OSBPL10: variants seen among roughly 807,000 people sequenced by gnomAD.
OSBPL10 encodes oxysterol binding protein like 10, also known as oxysterol-binding protein-related protein 10.
A neutral mutation model predicts 81.7 loss-of-function variants in OSBPL10; 49 were observed. The ratio of observed to expected loss-of-function variants is 0.60; its 90% CI spans 0.48 to 0.76. The LOEUF is 0.76. OSBPL10 is among the 30% of genes least tolerant of loss of function. The pLI is 0.00. For missense variants in OSBPL10, 923 were observed against 987.8 expected, an observed-to-expected ratio of 0.93 and a Z score of 0.88; for synonymous variants, 419 against 383.6, an observed-to-expected ratio of 1.09 and a Z score of -1.08.
At chr3:32,045,007 C>A (rs1699609646) in intron 2 of OSBPL10, among the ~76,000 whole-genome samples, 1 of 152,120 alleles carries the variant, frequency 6.6e-6, no homozygotes, top group African/African-American at 2.4e-5. Flanking sequence ...ATTGTGTCTT[C>A]CTATTAAAAT....
At chr3:32,039,157 C>T (rs1334922416) in intron 2 of OSBPL10, among the ~76,000 whole-genome samples, 1 of 151,408 alleles carries the variant, frequency 6.6e-6, no homozygotes, top group East Asian at 1.9e-4. Flanking sequence ...AACCCTGTCT[C>T]TACCAAAAAT....
At chr3:32,063,524 A>C (rs1381527220) in intron 1 of OSBPL10, among the ~76,000 whole-genome samples, 2 of 92,054 alleles carry the variant, frequency 2.2e-5, no homozygotes, top group African/African-American at 5.6e-5. Flanking sequence ...TTCAGTGCAA[A>C]TTTGGCCCTG....
intron 1 of OSBPL10, among the ~76,000 whole-genome samples, chr3:31,890,240 C>A (rs765497214): frequency 1.3e-5 from 2 of 150,518 alleles, no homozygotes; most frequent in Non-Finnish European, 2.9e-5. Context: ...ACCTGAGCAC[C>A]CACACACCCA....
chr3:31,945,957 C>A (rs1405307347), intron 1 of OSBPL10, among the ~76,000 whole-genome samples: 19 of 151,848 alleles, frequency 1.3e-4, no homozygotes, highest in Admixed American at 1.2e-3. Context: ...TTGCCTGAAT[C>A]AACAGACACT....
At chr3:31,976,566 A>ACT (rs1171210311) in intron 1 of OSBPL10, among the ~76,000 whole-genome samples, 1 of 151,818 alleles carries the variant, frequency 6.6e-6, no homozygotes, top group African/African-American at 2.4e-5. Context: ...AATCCTCCCA[A>ACT]CTCAGACCCC....
chr3:31,741,497 T>C (rs1259407383), intron 5 of OSBPL10, among the ~76,000 whole-genome samples: 1 of 152,186 alleles, frequency 6.6e-6, no homozygotes, highest in African/African-American at 2.4e-5. Flanking sequence ...TCTCTTGACC[T>C]CGTGATCCAT....
intron 1 of OSBPL10, among the ~76,000 whole-genome samples, chr3:32,076,518 T>G (rs1699878986): frequency 6.6e-6 from 1 of 152,126 alleles, no homozygotes; most frequent in Admixed American, 6.5e-5. Flanking sequence ...CCTTAAGGCA[T>G]CTGGTCAGAG....
intron 1 of OSBPL10, among the ~76,000 whole-genome samples, chr3:31,930,155 A>AC (rs2125718841): frequency 1.3e-5 from 1 of 79,962 alleles, no homozygotes; most frequent in East Asian, 1.0e-3. Context: ...CTCAGATCTC[A>AC]AAAAAAAAAA....
intron 2 of OSBPL10, among the ~76,000 whole-genome samples, chr3:32,000,844 C>T (rs1368617196): frequency 1.3e-5 from 2 of 152,198 alleles, no homozygotes; most frequent in East Asian, 3.8e-4. Flanking sequence ...ATACCTTTCT[C>T]TTCCATGGCC....
chr3:32,023,496 G>A (rs1463952093), intron 2 of OSBPL10, among the ~76,000 whole-genome samples: 2 of 152,124 alleles, frequency 1.3e-5, no homozygotes, highest in South Asian at 2.1e-4. Flanking sequence ...TGTGAAGACT[G>A]ACTAATACAG....
chr3:31,760,798 C>A (rs1283001594), intron 4 of OSBPL10, among the ~76,000 whole-genome samples: 1 of 152,148 alleles, frequency 6.6e-6, no homozygotes, highest in Non-Finnish European at 1.5e-5. Flanking sequence ...CAGAACATTT[C>A]ATCACATAAA....
chr3:31,999,046 C>T (rs1699119022), intron 2 of OSBPL10, among the ~76,000 whole-genome samples: 1 of 152,162 alleles, frequency 6.6e-6, no homozygotes, highest in Non-Finnish European at 1.5e-5. Flanking sequence ...TTTGTATCAG[C>T]CAGACAGTAA....
At chr3:31,990,837 A>C in intron 2 of OSBPL10, 1 of 1,589,684 alleles carries the variant, frequency 6.3e-7, no homozygotes, top group South Asian at 1.1e-5. Flanking sequence ...AACAAAGGAG[A>C]ATTCATATGG....
At chr3:31,938,075 T>C (rs1697430727) in intron 1 of OSBPL10, among the ~76,000 whole-genome samples, 1 of 152,112 alleles carries the variant, frequency 6.6e-6, no homozygotes. Flanking sequence ...CTGCCAAACA[T>C]CTCACTGCAT....
chr3:32,074,966 A>G (rs1390920365), intron 1 of OSBPL10, among the ~76,000 whole-genome samples: 1 of 152,178 alleles, frequency 6.6e-6, no homozygotes, highest in Non-Finnish European at 1.5e-5. Context: ...TCCAGTTTGC[A>G]GATGGGAATG....
chr3:31,884,065 A>G (rs894060095), intron 1 of OSBPL10, among the ~76,000 whole-genome samples: 1 of 152,256 alleles, frequency 6.6e-6, no homozygotes, highest in East Asian at 1.9e-4. Flanking sequence ...ACAAATAACT[A>G]TATAATTGAA....
chr3:31,664,033 C>G, intron 11 of OSBPL10, 46 bp downstream of exon 11: 1 of 1,614,116 alleles, frequency 6.2e-7, no homozygotes, highest in East Asian at 2.2e-5. Flanking sequence ...CCTCTCAGGA[C>G]AAGTTCTCTC....
intron 2 of OSBPL10, among the ~76,000 whole-genome samples, chr3:31,998,359 A>G (rs1298779609): frequency 6.6e-6 from 1 of 152,190 alleles, no homozygotes; most frequent in Non-Finnish European, 1.5e-5. Flanking sequence ...AAAACCCCTC[A>G]GAAAAAATTC....
chr3:31,905,368 T>TTTTTTTTTTTTTTTTTTTTTTTA (rs869077578), intron 1 of OSBPL10, among the ~76,000 whole-genome samples: 2 of 148,192 alleles, frequency 1.3e-5, no homozygotes, highest in African/African-American at 5.1e-5. Flanking sequence ...TTTTTTTTTT[T>TTTTTTTTTTTTTTTTTTTTTTTA]AGACGGACTC....
Sources: gnomAD v4.1 joint callset for allele counts (sites outside exome capture counted in the v4.1 genomes callset) on GRCh38, gnomAD v4.1.1 for gene constraint, MANE v1.5 for transcripts, NCBI Gene and HGNC (gene_info 2026-07-23, HGNC 2026-07-21) for gene names.